CCDC201: variants seen among roughly 807,000 people sequenced by gnomAD.
CCDC201 encodes the protein coiled-coil domain containing 201, also known as coiled-coil domain-containing protein 201.
chr7:45,862,600 AG>A (rs1583651260), exon 3 of CCDC201: 2 of 152,376 alleles, frequency 1.3e-5, no homozygotes, highest in East Asian at 3.9e-4. Flanking sequence ...TTTTCTTTCC[AG>A]TTCCTGCTTC....
At chr7:45,871,229 T>A (rs1295187603) in intron 1 of CCDC201, among the ~76,000 whole-genome samples, 1 of 152,196 alleles carries the variant, frequency 6.6e-6, no homozygotes, top group Non-Finnish European at 1.5e-5. Flanking sequence ...AGAATGTGTT[T>A]TTGTTCTCTT....
upstream of CCDC201, among the ~76,000 whole-genome samples, chr7:45,874,688 G>T (rs1451526189): frequency 6.6e-6 from 1 of 152,220 alleles, no homozygotes; most frequent in African/African-American, 2.4e-5. Flanking sequence ...GCACTAGAAA[G>T]GGTTTGTCAG....
intron 1 of CCDC201, among the ~76,000 whole-genome samples, chr7:45,867,834 A>C (rs918332022): frequency 7.2e-5 from 11 of 152,238 alleles, no homozygotes; most frequent in African/African-American, 2.7e-4. Context: ...ATTATCTGGT[A>C]GTTAATTTTG....
At chr7:45,864,059 C>T (rs6956436) in intron 2 of CCDC201, among the ~76,000 whole-genome samples, 10,379 of 152,198 alleles carry the variant, frequency 0.068, 591 homozygotes, top group African/African-American at 0.15. Context: ...CCTCCCTACC[C>T]GAGGCAGGGG....
chr7:45,868,824 A>T (rs955249737), intron 1 of CCDC201, among the ~76,000 whole-genome samples: 54 of 152,204 alleles, frequency 3.5e-4, no homozygotes, highest in African/African-American at 1.3e-3. Flanking sequence ...GTTAAAGTCA[A>T]ACAATATAGA....
chr7:45,879,159 ACTC>A, the CCDC201 span, among the ~76,000 whole-genome samples: 25 of 152,246 alleles, frequency 1.6e-4, no homozygotes, highest in East Asian at 3.7e-3. Context: ...CCATCTGAGA[ACTC>A]CTGAGCCTGG....
At chr7:45,879,085 G>T in the CCDC201 span, among the ~76,000 whole-genome samples, 2 of 152,320 alleles carry the variant, frequency 1.3e-5, no homozygotes, top group South Asian at 4.1e-4. Context: ...GCAAAATGTT[G>T]CTAGTCTCTG....
chr7:45,878,576 T>G, the CCDC201 span, among the ~76,000 whole-genome samples: 4 of 152,260 alleles, frequency 2.6e-5, no homozygotes, highest in Non-Finnish European at 5.9e-5. Context: ...GAGCAGTACC[T>G]TGGCCACTTT....
chr7:45,873,277 C>T (rs990903340), upstream of CCDC201, among the ~76,000 whole-genome samples: 1 of 135,100 alleles, frequency 7.4e-6, no homozygotes, highest in Admixed American at 7.5e-5. Context: ...CGCCCCACCC[C>T]CCCACCCCCC....
At chr7:45,884,583 G>A in the CCDC201 span, among the ~76,000 whole-genome samples, 1 of 152,098 alleles carries the variant, frequency 6.6e-6, no homozygotes, top group African/African-American at 2.4e-5. Flanking sequence ...AAGAACTACT[G>A]GCTCTTCCCT....
chr7:45,864,582 C>A (rs1786648249), intron 2 of CCDC201, among the ~76,000 whole-genome samples: 1 of 152,130 alleles, frequency 6.6e-6, no homozygotes, highest in Admixed American at 6.5e-5. Flanking sequence ...TGGCCCCCTC[C>A]AAATCGGGAG....
chr7:45,860,996 T>A (rs550024893), exon 3 of CCDC201: 3 of 152,370 alleles, frequency 2.0e-5, no homozygotes, highest in African/African-American at 7.2e-5. Flanking sequence ...ATCTTATATG[T>A]GAAAACATTC....
intron 2 of CCDC201, among the ~76,000 whole-genome samples, chr7:45,864,721 T>C (rs1583651949): frequency 1.3e-5 from 2 of 151,258 alleles, no homozygotes; most frequent in African/African-American, 2.4e-5. Context: ...CATGAGGGAG[T>C]GTGGCAAGGA....
the CCDC201 span, among the ~76,000 whole-genome samples, chr7:45,880,892 C>T: frequency 2.6e-5 from 4 of 152,094 alleles, no homozygotes; most frequent in African/African-American, 9.7e-5. Flanking sequence ...GAGTGGCAGC[C>T]CTGGTGTTTG....
chr7:45,876,932 A>G (rs1786815377), upstream of CCDC201, among the ~76,000 whole-genome samples: 1 of 152,226 alleles, frequency 6.6e-6, no homozygotes, highest in Non-Finnish European at 1.5e-5. Flanking sequence ...TCGAAGTCCA[A>G]GCTGCCAGTT....
upstream of CCDC201, among the ~76,000 whole-genome samples, chr7:45,876,763 G>C (rs1035316824): frequency 3.3e-5 from 5 of 152,232 alleles, no homozygotes; most frequent in Non-Finnish European, 7.3e-5. Flanking sequence ...GCCATCACTG[G>C]GCAGCAGCCA....
exon 3 of CCDC201, chr7:45,862,203 G>A (rs1305886982): frequency 6.6e-6 from 1 of 152,372 alleles, no homozygotes; most frequent in Non-Finnish European, 1.5e-5. Context: ...CAGATTTCCA[G>A]AATGCCTTCC....
the CCDC201 span, among the ~76,000 whole-genome samples, chr7:45,883,376 T>C: frequency 6.6e-6 from 1 of 152,092 alleles, no homozygotes; most frequent in East Asian, 1.9e-4. Flanking sequence ...AGCATCAGGA[T>C]TGCACAGGGG....
At chr7:45,871,427 C>T (rs772947027) in intron 1 of CCDC201, among the ~76,000 whole-genome samples, 2 of 151,798 alleles carry the variant, frequency 1.3e-5, no homozygotes, top group African/African-American at 2.4e-5. Context: ...TCTTATATCA[C>T]ATTGTTCACC....
Sources: allele counts gnomAD v4.1 joint callset (sites outside exome capture counted in the v4.1 genomes callset), GRCh38; gene constraint gnomAD v4.1.1; transcripts MANE v1.5; gene names NCBI Gene and HGNC (gene_info 2026-07-23, HGNC 2026-07-21).